Variants in LGR5 observed in about 807,000 individuals in gnomAD.
LGR5 encodes the protein leucine-rich repeat-containing G protein-coupled receptor 5.
Under a neutral mutation model 76.7 loss-of-function variants are expected in LGR5, and 54 were observed. The observed-to-expected ratio is 0.70, with a 90% CI of 0.57 to 0.88. LGR5 has a LOEUF of 0.88. Ranked by LOEUF, LGR5 falls within the 40% of genes least tolerant of loss-of-function variation. The probability of loss-of-function intolerance (pLI) is 0.00; values close to 1 mark genes in which losing one functional copy is unlikely to be tolerated. For synonymous variants in LGR5, 406 were observed against 421.9 expected, an observed-to-expected ratio of 0.96 and a Z score of 0.46; for missense variants, 1,078 against 1,073.3, an observed-to-expected ratio of 1.00 and a Z score of -0.06.
At chr12:71,448,084 AACACACACACAC>A (rs35911721) in intron 1 of LGR5, among the ~76,000 whole-genome samples, 2 of 145,680 alleles carry the variant, frequency 1.4e-5, no homozygotes, top group East Asian at 2.1e-4. Flanking sequence ...CACACACACA[AACACACACACAC>A]ACACACACAC....
At chr12:71,447,179 A>C (rs1872038604) in intron 1 of LGR5, among the ~76,000 whole-genome samples, 2 of 152,228 alleles carry the variant, frequency 1.3e-5, no homozygotes, top group South Asian at 4.1e-4. Context: ...TCACAATAGA[A>C]AATTGTTTCA....
intron 9 of LGR5, 70 bp from the exon 10 acceptor site, chr12:71,566,562 G>C (rs1172752923): frequency 4.6e-6 from 7 of 1,528,630 alleles, no homozygotes; most frequent in Non-Finnish European, 5.4e-6. Context: ...GAAGTGCTTT[G>C]AAAATGGCAA....
At chr12:71,461,492 T>C (rs915549110) in intron 1 of LGR5, among the ~76,000 whole-genome samples, 19 of 152,188 alleles carry the variant, frequency 1.2e-4, no homozygotes, top group African/African-American at 4.6e-4. Flanking sequence ...TTTTAGTCTA[T>C]TTATTATCAT....
chr12:71,497,356 G>A (rs1244058705), intron 1 of LGR5, among the ~76,000 whole-genome samples: 1 of 109,752 alleles, frequency 9.1e-6, no homozygotes, highest in South Asian at 2.8e-4. Flanking sequence ...AAGGAAGGAA[G>A]AAAGGAAGGA....
At position 71,448,084 on chromosome 12, in the gene LGR5, A is replaced by AACACACACACAC. The variant is rs35911721; in HGVS notation, c.212+7810_212+7821dup. 1.8e-3 allele frequency among the ~76,000 whole-genome samples: 261 copies of AACACACACACAC among 145,680 alleles called. 1 individual carries two copies. Among genetic ancestry groups the AACACACACACAC allele is most frequent in the African/African-American group, 3.2e-3 (129 of 39,820 alleles). On this transcript the variant is annotated intron_variant, in intron 1 of 17. Coordinates refer to ENST00000266674, the MANE Select transcript of LGR5 (RefSeq NM_003667.4). ...TCCTCGTCTCCCTCACACACACACA[A>AACACACACACAC]ACACACACACACACACACACACACA...
chr12:71,580,043 T>C (rs1251322356), intron 15 of LGR5, among the ~76,000 whole-genome samples: 3 of 152,220 alleles, frequency 2.0e-5, no homozygotes, highest in Non-Finnish European at 4.4e-5. Flanking sequence ...ATTTGAGTAA[T>C]GGAAGTTGCA....
chr12:71,574,873 T>C (rs796281521), intron 13 of LGR5, among the ~76,000 whole-genome samples: 7 of 152,344 alleles, frequency 4.6e-5, no homozygotes, highest in African/African-American at 1.7e-4. Flanking sequence ...ACTATAGAAC[T>C]TAATACTTAG....
In LGR5 at chr12:71,584,059, A is replaced by G. The variant is rs142129955; in HGVS notation, c.2049A>G (p.Val683=). ...AAGCTCCATTTTCTAGCCTGAAAGT[A>G]ATCATTTTGCTCTGTGCCCTGCTGG... ...ETKAPFSSLK[V]IILLCALLAL... Residue 683 remains valine (V), a synonymous_variant, in exon 18 of 18, where the codon GTA becomes GTG. Coordinates refer to ENST00000266674, the MANE Select transcript of LGR5 (RefSeq NM_003667.4). The G allele has an allele frequency of 3.1e-6, 5 of 1,614,080 alleles. No homozygotes were observed. The highest frequency in any genetic ancestry group is 4.2e-6 in the Non-Finnish European group (5 of 1,180,042).
rs1399315450 is a variant in LGR5 at position 71,510,718 on chromosome 12, A to G, written c.284+6033A>G. On this transcript the variant is annotated intron_variant, in intron 2 of 17. Transcript: ENST00000266674. The stretch of plus-strand genomic sequence containing the variant: ...TTGTGACAAGAGCAGTGAATAACAC[A>G]AACATGGTATAGATAAGGAACAAAT... Among the ~76,000 whole-genome samples the G allele has an allele frequency of 2.0e-5, 3 of 152,098 alleles. No individual in the cohort carries two copies. The East Asian group carries it at 5.8e-4, about 29-fold the overall frequency.
intron 8 of LGR5, 56 bp downstream of exon 8, chr12:71,561,908 A>T: frequency 1.0e-6 from 1 of 989,916 alleles, no homozygotes; most frequent in Non-Finnish European, 1.5e-6. Flanking sequence ...CATATATTAT[A>T]CTTTGAAATA....
At chr12:71,564,951 G>C (rs1878266400) in intron 8 of LGR5, among the ~76,000 whole-genome samples, 2 of 150,700 alleles carry the variant, frequency 1.3e-5, no homozygotes, top group African/African-American at 2.5e-5. Flanking sequence ...ATACGTATGT[G>C]TATATATACG....
intron 8 of LGR5, among the ~76,000 whole-genome samples, chr12:71,562,537 C>T (rs1280605): frequency 0.69 from 104,910 of 151,982 alleles, 39,163 homozygotes; most frequent in Non-Finnish European, 0.84. Flanking sequence ...ATCATGCCTC[C>T]GAAGTCTATC....
At chr12:71,442,889 T>G (rs1019597209) in intron 1 of LGR5, among the ~76,000 whole-genome samples, 2 of 152,218 alleles carry the variant, frequency 1.3e-5, no homozygotes, top group South Asian at 2.1e-4. Flanking sequence ...CTACTGATTT[T>G]CTTATTTGAA....
chr12:71,499,204 G>A (rs1874479998), intron 1 of LGR5, among the ~76,000 whole-genome samples: 1 of 152,100 alleles, frequency 6.6e-6, no homozygotes, highest in Non-Finnish European at 1.5e-5. Flanking sequence ...GGTGATCCAG[G>A]AGAGCAACAG....
intron 4 of LGR5, among the ~76,000 whole-genome samples, chr12:71,545,825 T>C (rs1180777735): frequency 6.6e-6 from 1 of 152,174 alleles, no homozygotes; most frequent in African/African-American, 2.4e-5. Context: ...ATAGCAATAA[T>C]GATCTGATAC....
intron 1 of LGR5, among the ~76,000 whole-genome samples, chr12:71,443,012 T>TG (rs1160342814): frequency 5.3e-5 from 8 of 152,328 alleles, no homozygotes; most frequent in African/African-American, 1.9e-4. Context: ...AAGACTGATG[T>TG]GGTAAAAAGC....
intron 4 of LGR5, among the ~76,000 whole-genome samples, chr12:71,548,653 T>C (rs1877318548): frequency 6.6e-6 from 1 of 152,216 alleles, no homozygotes; most frequent in Admixed American, 6.5e-5. Context: ...TGTTATTTCC[T>C]TAATCAGAAA....
chr12:71,538,691 A>T (rs1221280751), intron 4 of LGR5, among the ~76,000 whole-genome samples: 1 of 152,038 alleles, frequency 6.6e-6, no homozygotes, highest in Non-Finnish European at 1.5e-5. Flanking sequence ...TCTAAAAATA[A>T]TTAAGTAAAT....
chr12:71,520,204 T>C (rs1465218518), intron 2 of LGR5, among the ~76,000 whole-genome samples: 1 of 152,232 alleles, frequency 6.6e-6, no homozygotes, highest in East Asian at 1.9e-4. Context: ...CCTACAATGG[T>C]ACATTATTCT....
Sources: allele counts gnomAD v4.1 joint callset (sites outside exome capture counted in the v4.1 genomes callset), GRCh38; gene constraint gnomAD v4.1.1; transcripts MANE v1.5; gene names NCBI Gene and HGNC (gene_info 2026-07-23, HGNC 2026-07-21).